The following ABCG2 variants were observed in gnomAD, a reference collection of about 807,000 sequenced individuals.
ABCG2 encodes the protein broad substrate specificity ATP-binding cassette transporter ABCG2.
ABCG2 carries 80 observed loss-of-function variants against 73.5 expected under a neutral mutation model. The ratio of observed to expected loss-of-function variants is 1.09; its 90% confidence interval spans 0.91 to 1.31. The LOEUF (loss-of-function observed/expected upper bound fraction) is 1.31, where lower values mean the gene tolerates loss of function less well. ABCG2 is among the 50% of genes most tolerant of loss of function. The pLI, the probability that ABCG2 is intolerant of heterozygous loss-of-function variation, is 0.00. For missense variants in ABCG2, 796 were observed against 786.2 expected (o/e 1.01, Z -0.15); for synonymous variants, 269 against 282.4 (o/e 0.95, Z 0.48).
intron 1 of ABCG2, among the ~76,000 whole-genome samples, chr4:88,211,357 TGCC>T (rs1729582994): frequency 5.3e-5 from 1 of 18,886 alleles, no homozygotes; most frequent in Non-Finnish European, 1.2e-4. Context: ...GTTCAACCCC[TGCC>T]CCACCCCCCC....
intron 12 of ABCG2, among the ~76,000 whole-genome samples, chr4:88,098,968 G>C (rs922656174): frequency 6.6e-6 from 1 of 151,946 alleles, no homozygotes; most frequent in African/African-American, 2.4e-5. Context: ...ATCTTTCTGT[G>C]TGCCGGTAGT....
chr4:88,113,777 A>G (rs1723317836), intron 8 of ABCG2, among the ~76,000 whole-genome samples: 1 of 151,756 alleles, frequency 6.6e-6, no homozygotes, highest in Non-Finnish European at 1.5e-5. Flanking sequence ...CCTGACCAAC[A>G]TGGTGAAACC....
intron 1 of ABCG2, among the ~76,000 whole-genome samples, chr4:88,167,223 A>G (rs1727559172): frequency 6.6e-6 from 1 of 151,926 alleles, no homozygotes; most frequent in Non-Finnish European, 1.5e-5. Context: ...TTTTGGTTCC[A>G]AGACTGAGTT....
intron 1 of ABCG2, among the ~76,000 whole-genome samples, chr4:88,184,608 T>C (rs71609521): frequency 6.6e-6 from 1 of 152,158 alleles, no homozygotes; most frequent in Admixed American, 6.6e-5. Flanking sequence ...ATCATTGTTG[T>C]TAAAATGTCA....
chr4:88,115,021 G>GAAGT lies in ABCG2; in HGVS notation c.875_878dup (p.Phe293LeufsTer8), dbSNP rs1560674481. The GAAGT allele has an allele frequency of 1.9e-6, 3 of 1,613,294 alleles. No homozygotes were observed. In the African/African-American group the frequency reaches 4.0e-5, roughly 22 times the overall value. On this transcript the variant is annotated frameshift_variant, in exon 8 of 16. Transcript: ENST00000237612. LOFTEE classifies it high-confidence loss of function. ...AATCTCCATTAATGATGTCCAAGAA[G>GAAGT]AAGTCTGCAGGGTTATTATAGGCCT... is the stretch of plus-strand genomic sequence containing the variant.
chr4:88,218,749 A>G (rs1008423198), intron 1 of ABCG2, among the ~76,000 whole-genome samples: 1 of 152,220 alleles, frequency 6.6e-6, no homozygotes, highest in Non-Finnish European at 1.5e-5. Flanking sequence ...ATCCCAATAA[A>G]CATTTCTTGA....
chr4:88,122,422 T>A (rs989489187), intron 5 of ABCG2, among the ~76,000 whole-genome samples: 1 of 152,178 alleles, frequency 6.6e-6, no homozygotes, highest in African/African-American at 2.4e-5. Flanking sequence ...ATCCACTGGC[T>A]TGAAATTCTT....
intron 1 of ABCG2, among the ~76,000 whole-genome samples, chr4:88,171,770 T>C (rs368774107): frequency 1.2e-4 from 19 of 152,110 alleles, no homozygotes; most frequent in African/African-American, 3.9e-4. Context: ...CTGGGAAAGT[T>C]TGTGTTTGCT....
chr4:88,130,948 C>G, intron 5 of ABCG2, 113 bp downstream of exon 5: 1 of 1,230,542 alleles, frequency 8.1e-7, no homozygotes, highest in Non-Finnish European at 1.1e-6. Context: ...TTATGGAAAG[C>G]AACCATTTTT....
At chr4:88,227,464 C>A (rs534244156) in intron 1 of ABCG2, among the ~76,000 whole-genome samples, 30 of 152,184 alleles carry the variant, frequency 2.0e-4, no homozygotes, top group Non-Finnish European at 4.0e-4. Flanking sequence ...CTCGCTAAAC[C>A]ATAAATGTAT....
chr4:88,203,076 CTTTAA>C (rs146615442), intron 1 of ABCG2, among the ~76,000 whole-genome samples: 10,526 of 152,076 alleles, frequency 0.069, 614 homozygotes, highest in East Asian at 0.32. Context: ...ACAAATTATA[CTTTAA>C]TTTAATGAAA....
intron 1 of ABCG2, among the ~76,000 whole-genome samples, chr4:88,147,041 G>GAAAGA (rs1726089183): frequency 7.2e-6 from 1 of 138,164 alleles, no homozygotes; most frequent in Admixed American, 7.3e-5. Flanking sequence ...AAGAAAGAAA[G>GAAAGA]AAAGAAAAGA....
At chr4:88,213,665 C>T (rs1729688423) in intron 1 of ABCG2, among the ~76,000 whole-genome samples, 1 of 151,796 alleles carries the variant, frequency 6.6e-6, no homozygotes, top group South Asian at 2.1e-4. Context: ...TGTTTCCCCA[C>T]AGTATAAACA....
intron 1 of ABCG2, among the ~76,000 whole-genome samples, chr4:88,211,681 T>C (rs1305657232): frequency 6.6e-6 from 1 of 152,176 alleles, no homozygotes; most frequent in Non-Finnish European, 1.5e-5. Flanking sequence ...CCTTCTGAAG[T>C]GCTGGGATTA....
upstream of ABCG2, chr4:88,159,207 C>T: frequency 4.4e-6 from 2 of 456,272 alleles, no homozygotes; most frequent in Non-Finnish European, 8.8e-6. Context: ...ATCAGTACCT[C>T]GTCTGACCTA....
At chr4:88,139,757 T>A in intron 2 of ABCG2, 36 bp downstream of exon 2, 1 of 1,580,530 alleles carries the variant, frequency 6.3e-7, no homozygotes, top group Admixed American at 1.7e-5. Flanking sequence ...TGTAGGTAAA[T>A]TAAAAAGCTG....
At chr4:88,166,848 C>T (rs1000587623) in intron 1 of ABCG2, among the ~76,000 whole-genome samples, 22 of 152,098 alleles carry the variant, frequency 1.4e-4, no homozygotes, top group Non-Finnish European at 8.8e-5. Context: ...GGAGGGGTCA[C>T]ATGCAGATGG....
intron 8 of ABCG2, 38 bp from the exon 9 acceptor site, chr4:88,113,591 A>G (rs1472946700): frequency 3.8e-6 from 6 of 1,596,556 alleles, no homozygotes; most frequent in South Asian, 1.1e-5. Flanking sequence ...CACAAACAAG[A>G]TAACAACAAA....
At chr4:88,212,908 A>T (rs1288334343) in intron 1 of ABCG2, among the ~76,000 whole-genome samples, 1 of 151,856 alleles carries the variant, frequency 6.6e-6, no homozygotes, top group Non-Finnish European at 1.5e-5. Context: ...TTGAATTTTT[A>T]TTTTTTTTGA....
Sources: gnomAD v4.1 joint callset for allele counts (sites outside exome capture counted in the v4.1 genomes callset) on GRCh38, gnomAD v4.1.1 for gene constraint, MANE v1.5 for transcripts, NCBI Gene and HGNC (gene_info 2026-07-23, HGNC 2026-07-21) for gene names.